Variants in HS1BP3 observed in about 807,000 individuals in gnomAD.
The protein encoded by HS1BP3 is HCLS1-binding protein 3.
Under a neutral mutation model 33.5 loss-of-function variants are expected in HS1BP3, and 32 were observed. The ratio of observed to expected loss-of-function variants is 0.95; its 90% CI spans 0.72 to 1.28. The LOEUF (loss-of-function observed/expected upper bound fraction) is 1.28, where lower values mean the gene tolerates loss of function less well. HS1BP3 is among the 50% of genes most tolerant of loss of function. The pLI is 0.00. For synonymous variants in HS1BP3, 187 were observed against 209.2 expected (o/e 0.89, Z 0.92); for missense variants, 486 against 502.3 (o/e 0.97, Z 0.31).
At chr2:20,642,445 CT>C in intron 2 of HS1BP3, among the ~76,000 whole-genome samples, 1 of 152,348 alleles carries the variant, frequency 6.6e-6, no homozygotes, top group East Asian at 1.9e-4. Flanking sequence ...TGGCTCCAGA[CT>C]TTCCTGAAAA....
chr2:20,578,818 G>C (rs1693461691), intron 5 of HS1BP3, among the ~76,000 whole-genome samples: 1 of 152,158 alleles, frequency 6.6e-6, no homozygotes, highest in Non-Finnish European at 1.5e-5. Flanking sequence ...AGAGTCCCTG[G>C]GTGTGTAGCT....
At chr2:20,648,673 T>A (rs537328610) in intron 1 of HS1BP3, among the ~76,000 whole-genome samples, 1 of 152,182 alleles carries the variant, frequency 6.6e-6, no homozygotes, top group South Asian at 2.1e-4. Flanking sequence ...GCTCCAGGCT[T>A]TAAATACCAT....
intron 4 of HS1BP3, chr2:20,635,536 C>A (rs951933128): frequency 2.6e-5 from 4 of 152,174 alleles, no homozygotes; most frequent in Non-Finnish European, 5.9e-5. Flanking sequence ...ATTTGAGTCA[C>A]AATGAAAAAG....
downstream of HS1BP3, among the ~76,000 whole-genome samples, chr2:20,588,598 G>T (rs892208126): frequency 6.6e-6 from 1 of 152,130 alleles, no homozygotes; most frequent in Non-Finnish European, 1.5e-5. Context: ...TTTTTCTGGG[G>T]TTACACAGGT....
intron 5 of HS1BP3, among the ~76,000 whole-genome samples, chr2:20,574,379 A>G (rs1350880422): frequency 6.6e-6 from 1 of 152,260 alleles, no homozygotes; most frequent in African/African-American, 2.4e-5. Flanking sequence ...TGAAGATATT[A>G]GCCCATGAAA....
chr2:20,627,346 G>A (rs1352260081), intron 4 of HS1BP3, among the ~76,000 whole-genome samples: 1 of 152,236 alleles, frequency 6.6e-6, no homozygotes, highest in Non-Finnish European at 1.5e-5. Context: ...CATGTAACCA[G>A]CCACGGGCCC....
intron 1 of HS1BP3, among the ~76,000 whole-genome samples, chr2:20,646,411 C>T (rs541202084): frequency 5.3e-5 from 8 of 152,318 alleles, no homozygotes; most frequent in South Asian, 4.1e-4. Context: ...TGGAATTATA[C>T]CCCAATCCAT....
At chr2:20,612,390 T>C (rs554839309) in intron 2 of HS1BP3, among the ~76,000 whole-genome samples, 1 of 152,348 alleles carries the variant, frequency 6.6e-6, no homozygotes, top group Admixed American at 6.5e-5. Context: ...AGTAAACTTA[T>C]CAAATTGTGC....
At position 20,630,285 on chromosome 2, in the gene HS1BP3, T is replaced by A. The variant is rs116481124; in HGVS notation, c.624-5393A>T. Reference sequence around the variant, plus strand: ...TGTTTTTTGGGTTTTTGTTTGTTTTTTTGAGACAGGGTCTCTGTCACCTAG... The same window carrying A: ...TGTTTTTTGGGTTTTTGTTTGTTTTATTGAGACAGGGTCTCTGTCACCTAG... On this transcript the variant is annotated intron_variant, in intron 4 of 6. Transcript: ENST00000304031. Among the ~76,000 whole-genome samples, 1,091 of 152,324 alleles carry A rather than the reference T, an allele frequency of 7.2e-3. 17 individuals carry two copies. Among genetic ancestry groups the A allele is most frequent in the African/African-American group, 0.025 (1,021 of 41,572 alleles).
At chr2:20,582,816 C>G (rs1693565798) in intron 5 of HS1BP3, among the ~76,000 whole-genome samples, 1 of 152,158 alleles carries the variant, frequency 6.6e-6, no homozygotes, top group South Asian at 2.1e-4. Flanking sequence ...CACACAGGAA[C>G]AAACGCCCAC....
At chr2:20,572,076 G>C (rs1309100251) in intron 5 of HS1BP3, among the ~76,000 whole-genome samples, 1 of 152,164 alleles carries the variant, frequency 6.6e-6, no homozygotes, top group African/African-American at 2.4e-5. Flanking sequence ...TGAGGCTTTT[G>C]GTTTTACCCC....
At position 20,623,754 on chromosome 2, in the gene HS1BP3, C is replaced by T. The variant is rs569610154; in HGVS notation, c.920+142G>A. 2.4e-5 allele frequency: 22 copies of T among 935,762 alleles called. 1 individual carries two copies. In the South Asian group the frequency reaches 3.1e-4, roughly 13 times the overall value. 58.0% of individuals were successfully genotyped at this position (935,762 alleles called of 1,614,324 possible). On this transcript the variant is annotated intron_variant, in intron 6 of 6. Transcript: ENST00000304031. ...CCTTCACCGCCTCTCACCCAATGTGCACCCACAGGCTTCTACTTTTCACAG... is the reference window on the plus strand; with the variant it reads ...CCTTCACCGCCTCTCACCCAATGTGTACCCACAGGCTTCTACTTTTCACAG...
intron 4 of HS1BP3, among the ~76,000 whole-genome samples, chr2:20,630,730 C>G (rs530679769): frequency 1.1e-4 from 16 of 152,354 alleles, no homozygotes; most frequent in East Asian, 3.9e-4. Context: ...GGAGTCCAAG[C>G]CAGCCTCACT....
intron 5 of HS1BP3, among the ~76,000 whole-genome samples, chr2:20,578,762 G>A (rs1315056269): frequency 6.6e-6 from 1 of 152,184 alleles, no homozygotes; most frequent in African/African-American, 2.4e-5. Flanking sequence ...CACTGGACAG[G>A]GGAGGAAACT....
intron 5 of HS1BP3, among the ~76,000 whole-genome samples, chr2:20,564,887 C>G (rs1295234365): frequency 6.6e-6 from 1 of 152,188 alleles, no homozygotes; most frequent in Non-Finnish European, 1.5e-5. Context: ...CCTACAGAGG[C>G]AGAACTTCCA....
chr2:20,650,968 G>C, intron 1 of HS1BP3, 64 bp downstream of exon 1: 8 of 1,214,142 alleles, frequency 6.6e-6, no homozygotes, highest in Non-Finnish European at 8.2e-6. Flanking sequence ...GCCTCCCCCC[G>C]CCTCTCCGCC....
At chr2:20,574,611 T>C (rs1693355617) in intron 5 of HS1BP3, among the ~76,000 whole-genome samples, 1 of 151,462 alleles carries the variant, frequency 6.6e-6, no homozygotes, top group Non-Finnish European at 1.5e-5. Context: ...GAAAAATGAG[T>C]GACTGTATAG....
At chr2:20,640,693 G>C in intron 3 of HS1BP3, 2 of 584,294 alleles carry the variant, frequency 3.4e-6, no homozygotes. Context: ...GCAAGCTCTA[G>C]GAATGGGGCT....
At chr2:20,559,964 A>T (rs1360114244), downstream of HS1BP3, among the ~76,000 whole-genome samples, 1 of 151,990 alleles carries the variant, frequency 6.6e-6, no homozygotes, top group East Asian at 1.9e-4. Context: ...GAAATGAAGC[A>T]CCCTGAGTCT....
Sources: allele counts gnomAD v4.1 joint callset (sites outside exome capture counted in the v4.1 genomes callset), GRCh38; gene constraint gnomAD v4.1.1; transcripts MANE v1.5; gene names NCBI Gene and HGNC (gene_info 2026-07-23, HGNC 2026-07-21).